Variants in ADAM9 observed in about 807,000 individuals in gnomAD.
The protein encoded by ADAM9 is disintegrin and metalloproteinase domain-containing protein 9.
In ADAM9, 54 loss-of-function variants were observed where a neutral mutation model predicts 108.1. The observed-to-expected ratio is 0.50, with a 90% CI of 0.40 to 0.63. The LOEUF is 0.63. Ranked by LOEUF, ADAM9 falls within the 20% of genes least tolerant of loss-of-function variation. ADAM9 has a pLI of 0.00. For missense variants in ADAM9, 830 were observed against 997.7 expected, an observed-to-expected ratio of 0.83 and a Z score of 2.26; for synonymous variants, 316 against 336.0, an observed-to-expected ratio of 0.94 and a Z score of 0.65.
intron 16 of ADAM9, 76 bp downstream of exon 16, chr8:39,077,487 T>C (rs954289134): frequency 1.9e-5 from 25 of 1,326,296 alleles, no homozygotes; most frequent in African/African-American, 3.0e-5. Flanking sequence ...AAGTGGTTGC[T>C]CTTTTCTGAT....
chr8:39,014,297 A>G (rs988699531), intron 4 of ADAM9: 44 of 562,120 alleles, frequency 7.8e-5, no homozygotes, highest in Admixed American at 1.7e-4. Flanking sequence ...TTTAATGGTA[A>G]TCCTTACTGA....
chr8:39,070,019 G>A (rs992966725), intron 14 of ADAM9, among the ~76,000 whole-genome samples: 2 of 150,650 alleles, frequency 1.3e-5, no homozygotes, highest in Non-Finnish European at 3.0e-5. Context: ...CAAGTGTGGT[G>A]GTGCATGCCT....
At chr8:39,033,353 T>C (rs1837161894) in intron 11 of ADAM9, among the ~76,000 whole-genome samples, 1 of 152,158 alleles carries the variant, frequency 6.6e-6, no homozygotes, top group Non-Finnish European at 1.5e-5. Context: ...ATGATCATAT[T>C]ATCTCTGTAC....
intron 8 of ADAM9, 93 bp downstream of exon 8, chr8:39,021,807 T>A: frequency 9.1e-7 from 1 of 1,094,046 alleles, no homozygotes; most frequent in East Asian, 2.4e-5. Context: ...AGTTCTGATT[T>A]TCATAGGGCC....
chr8:39,054,601 GGAA>G, intron 13 of ADAM9, 28 bp downstream of exon 13: 3 of 752,308 alleles, frequency 4.0e-6, no homozygotes, highest in African/African-American at 3.9e-5. Flanking sequence ...TTTGGAAACA[GGAA>G]AAAAAAAAAA....
At chr8:39,009,041 G>A (rs902047477) in intron 2 of ADAM9, among the ~76,000 whole-genome samples, 4 of 152,140 alleles carry the variant, frequency 2.6e-5, no homozygotes, top group Non-Finnish European at 4.4e-5. Flanking sequence ...GTTTTTTAGG[G>A]AGTGGGCATT....
chr8:39,060,266 G>A (rs1029259299), intron 14 of ADAM9, among the ~76,000 whole-genome samples: 24 of 152,184 alleles, frequency 1.6e-4, no homozygotes, highest in African/African-American at 5.3e-4. Flanking sequence ...TGTCGGAGGC[G>A]CTAAACAGCA....
At chr8:39,037,251 C>A (rs1280354358) in intron 11 of ADAM9, among the ~76,000 whole-genome samples, 1 of 148,010 alleles carries the variant, frequency 6.8e-6, no homozygotes, top group East Asian at 2.0e-4. Context: ...TTAGTAGAGA[C>A]GGGGTTTCAC....
chr8:39,047,095 C>T (rs147034138), intron 12 of ADAM9, among the ~76,000 whole-genome samples: 1 of 152,206 alleles, frequency 6.6e-6, no homozygotes, highest in African/African-American at 2.4e-5. Context: ...GTATATTGAG[C>T]CTTAATTGAT....
chr8:39,052,206 A>G (rs1311819211), intron 12 of ADAM9, among the ~76,000 whole-genome samples: 1 of 152,184 alleles, frequency 6.6e-6, no homozygotes, highest in Admixed American at 6.5e-5. Flanking sequence ...GTAAAAAATA[A>G]GAAGATACTG....
intron 20 of ADAM9, among the ~76,000 whole-genome samples, chr8:39,094,880 A>C (rs2129443408): frequency 6.6e-6 from 1 of 152,024 alleles, no homozygotes; most frequent in South Asian, 2.1e-4. Flanking sequence ...TGATTCTATT[A>C]ATACTATTTT....
intron 12 of ADAM9, among the ~76,000 whole-genome samples, chr8:39,043,540 C>T (rs555175295): frequency 6.6e-6 from 1 of 152,160 alleles, no homozygotes; most frequent in South Asian, 2.1e-4. Context: ...CATTGAGCAT[C>T]TTTTCATATA....
intron 20 of ADAM9, among the ~76,000 whole-genome samples, chr8:39,095,401 T>C (rs1050654548): frequency 3.9e-5 from 6 of 152,216 alleles, no homozygotes; most frequent in Admixed American, 3.9e-4. Context: ...GACCAAGTGA[T>C]TGTTTAGGAG....
At chr8:39,004,057 A>G (rs146689884) in intron 1 of ADAM9, among the ~76,000 whole-genome samples, 84 of 152,310 alleles carry the variant, frequency 5.5e-4, no homozygotes, top group African/African-American at 2.0e-3. Context: ...AGCTCTTTAA[A>G]TACCTGCCTG....
intron 12 of ADAM9, among the ~76,000 whole-genome samples, chr8:39,045,252 A>ACG (rs1837658872): frequency 7.8e-6 from 1 of 128,254 alleles, no homozygotes; most frequent in Non-Finnish European, 1.7e-5. Context: ...ACATACATAT[A>ACG]TGTGTATATA....
intron 14 of ADAM9, among the ~76,000 whole-genome samples, chr8:39,064,716 G>A (rs1461752795): frequency 2.0e-5 from 3 of 152,116 alleles, no homozygotes; most frequent in Non-Finnish European, 4.4e-5. Flanking sequence ...CTTTCATGGA[G>A]CTTTCCTTTC....
intron 15 of ADAM9, among the ~76,000 whole-genome samples, chr8:39,074,713 TGTCACTTAA>T (rs946663446): frequency 1.3e-5 from 2 of 152,144 alleles, no homozygotes; most frequent in African/African-American, 4.8e-5. Context: ...TTAGTTGTTA[TGTCACTTAA>T]GTCACTTTTA....
intron 14 of ADAM9, among the ~76,000 whole-genome samples, chr8:39,062,985 C>T (rs1038903051): frequency 4.6e-5 from 7 of 152,196 alleles, no homozygotes; most frequent in Non-Finnish European, 8.8e-5. Context: ...CACATTTCAG[C>T]CAACCAACCG....
chr8:39,017,535 A>G, intron 6 of ADAM9, 121 bp downstream of exon 6: 3 of 961,418 alleles, frequency 3.1e-6, no homozygotes, highest in Admixed American at 2.0e-5. Context: ...TGCCAAATAT[A>G]TGCCAGACAT....
Sources: gnomAD v4.1 joint callset for allele counts (sites outside exome capture counted in the v4.1 genomes callset) on GRCh38, gnomAD v4.1.1 for gene constraint, MANE v1.5 for transcripts, NCBI Gene and HGNC (gene_info 2026-07-23, HGNC 2026-07-21) for gene names.